Variants in ATP12A observed in about 807,000 individuals in gnomAD.
ATP12A encodes ATPase H+/K+ transporting non-gastric alpha2 subunit, also known as potassium-transporting ATPase alpha chain 2.
A neutral mutation model predicts 111.2 loss-of-function variants in ATP12A; 81 were observed. That is an observed-to-expected ratio of 0.73 (90% CI 0.61 to 0.88). The LOEUF (loss-of-function observed/expected upper bound fraction) is 0.88. ATP12A is among the 40% of genes least tolerant of loss of function. ATP12A has a pLI of 0.00. For synonymous variants in ATP12A, 498 were observed against 499.8 expected (o/e 1.00, Z 0.05); for missense variants, 1,196 against 1,313.1 (o/e 0.91, Z 1.38).
chr13:24,683,023 C>T (rs1273926912), intron 2 of ATP12A, among the ~76,000 whole-genome samples: 1 of 148,148 alleles, frequency 6.8e-6, no homozygotes, highest in African/African-American at 2.5e-5. Context: ...ATGGCGCTAT[C>T]TAGGCTCACT....
chr13:24,703,909 A>T (rs1875504146), intron 14 of ATP12A, among the ~76,000 whole-genome samples: 1 of 121,836 alleles, frequency 8.2e-6, no homozygotes, highest in Non-Finnish European at 1.8e-5. Flanking sequence ...GCAGTGGTGA[A>T]ATCTCATTGC....
chr13:24,692,272 C>T (rs948186394), intron 8 of ATP12A, among the ~76,000 whole-genome samples, 157 bp from the exon 9 acceptor site: 2 of 152,192 alleles, frequency 1.3e-5, no homozygotes, highest in African/African-American at 4.8e-5. Flanking sequence ...TATAAGCCAC[C>T]AGGTCAGCTT....
Position 24,690,477 on chromosome 13 carries a change from GCGGCAAGGGGTA to G in ATP12A, c.681+6_681+17del. ...CTGTCTTCTCAGGGGTGTCGGGTAA[GCGGCAAGGGGTA>G]TCCACCCCAAGGACCATGTTCCAAA... is the stretch of plus-strand genomic sequence containing the variant. On this transcript the variant is annotated splice_donor_region_variant and intron_variant, in intron 6 of 22. Transcript: ENST00000381946. 1.9e-6 allele frequency: 3 copies of G among 1,613,700 alleles called. No homozygotes were observed. Among genetic ancestry groups the G allele is most frequent in the Non-Finnish European group, 2.5e-6 (3 of 1,179,856 alleles).
In ATP12A at chr13:24,692,448, C is replaced by A. The variant is rs1215287379; in HGVS notation, c.1088C>A (p.Ala363Glu). ...ATVTVTLSLT[A>E]KRMAKKNCLV... ...TGCTAGGTGACCCTGTCGCTGACAG[C>A]AAAACGGATGGCCAAGAAGAACTGC... Residue 363 changes from alanine (A) to glutamate (E), a missense_variant, in exon 9 of 23, where the codon GCA becomes GAA. Physicochemically the swap from Ala to Glu is moderately radical, Grantham distance 107. Around this residue, in one of 3 missense-constraint regions of ATP12A, gnomAD observed 1,126 missense variants for 1,228.5 expected, o/e 0.92. Coordinates refer to ENST00000381946, the MANE Select transcript of ATP12A (RefSeq NM_001676.7). 6.2e-7 allele frequency: 1 copy of A among 1,613,824 alleles called. No individual in the cohort carries two copies. Among genetic ancestry groups the A allele is most frequent in the African/African-American group, 1.3e-5 (1 of 74,930 alleles).
chr13:24,709,503 G>A lies in ATP12A; in HGVS notation c.2617+16G>A, dbSNP rs375994569. On this transcript the variant is annotated intron_variant, in intron 18 of 22. Transcript: ENST00000381946. ...CTGCACATTGGTACGATGAGGGCGC[G>A]TCTTCCCCATCACACGAGGGCCTGC... 17 of 1,611,080 alleles carry A rather than the reference G, an allele frequency of 1.1e-5. No individual in the cohort carries two copies. The African/African-American group carries it at 1.2e-4, about 11-fold the overall frequency.
intron 2 of ATP12A, among the ~76,000 whole-genome samples, chr13:24,683,105 C>T (rs566302982): frequency 2.0e-5 from 3 of 152,090 alleles, no homozygotes; most frequent in South Asian, 2.1e-4. Context: ...TACAGGCGCC[C>T]GCCATCACAC....
At chr13:24,689,148 A>G (rs578234356) in intron 4 of ATP12A, 114 bp from the exon 5 acceptor site, 3 of 816,488 alleles carry the variant, frequency 3.7e-6, no homozygotes, top group African/African-American at 3.4e-5. Flanking sequence ...TGGCCTGTAA[A>G]TTATACCAGG....
intron 19 of ATP12A, 57 bp downstream of exon 19, chr13:24,709,885 C>T: frequency 6.2e-7 from 1 of 1,600,634 alleles, no homozygotes; most frequent in Non-Finnish European, 8.5e-7. Context: ...GCTCATTGCC[C>T]TGCGCAGAAT....
At chr13:24,701,840 C>T (rs2289904) in intron 13 of ATP12A, 95 bp from the exon 14 acceptor site, 30,760 of 1,517,908 alleles carry the variant, frequency 0.02, 560 homozygotes, top group African/African-American at 0.083. Flanking sequence ...CCACGTTCTC[C>T]CAGGGCACTA....
chr13:24,707,320 T>C lies in ATP12A; in HGVS notation c.2380T>C (p.Ser794Pro). The C allele has an allele frequency of 6.2e-7, 1 of 1,614,234 alleles. No individual in the cohort carries two copies. The highest frequency in any genetic ancestry group is 8.5e-7 in the Non-Finnish European group (1 of 1,180,048). The change falls in exon 17 of 23, where the codon TCC (serine) becomes CCC (proline). Residue 794 changes from serine to proline, a missense_variant. Ser to Pro is a moderately conservative substitution (Grantham distance 74, BLOSUM62 -1). Around this residue, in one of 3 missense-constraint regions of ATP12A, gnomAD observed 1,126 missense variants for 1,228.5 expected, o/e 0.92. Transcript: ENST00000381946. ...FDNLKKTIAY[S>P]LTKNIAELCP... ...CAACCTCAAGAAGACTATTGCTTATTCCCTGACCAAGAACATTGCCGAGCT... is the reference window on the plus strand; with the variant it reads ...CAACCTCAAGAAGACTATTGCTTATCCCCTGACCAAGAACATTGCCGAGCT...
At chr13:24,686,851 G>A (rs1000534004) in intron 3 of ATP12A, among the ~76,000 whole-genome samples, 4 of 152,222 alleles carry the variant, frequency 2.6e-5, no homozygotes, top group East Asian at 1.9e-4. Flanking sequence ...CCCTCATCTC[G>A]CTAGTCATGT....
Position 24,690,321 on chromosome 13 carries a change from A to G in ATP12A, c.547-17A>G, listed in dbSNP as rs775661841. ...CCTTCCAGGGTCTGAGGCATCTGTC[A>G]TGGTTTTTTTCTGCAGCAAGCTCTC... On this transcript the variant is annotated splice_polypyrimidine_tract_variant and intron_variant, in intron 5 of 22. Coordinates refer to ENST00000381946, the MANE Select transcript of ATP12A (RefSeq NM_001676.7). 2.5e-6 allele frequency: 4 copies of G among 1,612,828 alleles called. No individual in the cohort carries two copies. In the South Asian group the frequency reaches 4.4e-5, roughly 18 times the overall value.
At chr13:24,684,303 A>C (rs1874590550) in intron 2 of ATP12A, among the ~76,000 whole-genome samples, 1 of 152,232 alleles carries the variant, frequency 6.6e-6, no homozygotes, top group Admixed American at 6.5e-5. Flanking sequence ...GGCTAGAAGC[A>C]AGATAATAAT....
chr13:24,686,440 C>CAAAAAAAA (rs60902451), intron 3 of ATP12A, among the ~76,000 whole-genome samples: 1 of 93,828 alleles, frequency 1.1e-5, no homozygotes, highest in Non-Finnish European at 2.2e-5. Context: ...AACTCCATCT[C>CAAAAAAAA]AAAAAAAAAA....
rs938118126 is a variant in ATP12A, at chr13:24,692,819, G to T, written c.1300G>T (p.Ala434Ser). 3.7e-6 allele frequency: 6 copies of T among 1,614,070 alleles called. No homozygotes were observed. The highest frequency in any genetic ancestry group is 1.6e-4 in the Middle Eastern group (1 of 6,084). Residue 434 changes from alanine to serine, a missense_variant, in exon 10 of 23, where the codon GCC (alanine) becomes TCC (serine). This residue lies in a region of ATP12A where 1,126 missense variants were observed against 1,228.5 expected (regional missense o/e 0.92). Coordinates refer to ENST00000381946, the MANE Select transcript of ATP12A (RefSeq NM_001676.7). ...CTTTGACCAAAGCTCTAGGACTTGG[G>T]CCTCCTTATCCAAGATAATAACATT... ...QVFDQSSRTW[A>S]SLSKIITLCN...
In ATP12A at chr13:24,691,010, G is replaced by T. The variant is rs576313642; in HGVS notation, c.828G>T (p.Thr276=). 1 of 1,614,170 alleles carries T rather than the reference G, an allele frequency of 6.2e-7. No individual in the cohort carries two copies. The highest frequency in any genetic ancestry group is 2.2e-5 in the East Asian group (1 of 44,872). ...CTGTCACCGGCATGGTTATCAACAC[G>T]GGTGACCGCACCATCATTGGCCATA... The part of the protein sequence containing the change: ...EGTVTGMVIN[T]GDRTIIGHIA... The change falls in exon 8 of 23, where the codon ACG becomes ACT. Residue 276 remains threonine, a synonymous_variant. Coordinates refer to ENST00000381946, the MANE Select transcript of ATP12A (RefSeq NM_001676.7).
chr13:24,682,359 A>G (rs61948071), intron 2 of ATP12A, among the ~76,000 whole-genome samples: 12,373 of 88,554 alleles, frequency 0.14, 1,159 homozygotes, highest in Middle Eastern at 0.22. Flanking sequence ...TGTGTGGTGT[A>G]TATGTGTGGT....
intron 10 of ATP12A, among the ~76,000 whole-genome samples, chr13:24,693,474 T>C (rs896898558): frequency 1.3e-5 from 2 of 152,202 alleles, no homozygotes; most frequent in Non-Finnish European, 2.9e-5. Flanking sequence ...TGTTTGTTTG[T>C]TTGCTTTTCT....
intron 11 of ATP12A, among the ~76,000 whole-genome samples, chr13:24,697,605 A>G (rs1200859436): frequency 6.7e-6 from 1 of 148,448 alleles, no homozygotes; most frequent in Non-Finnish European, 1.5e-5. Flanking sequence ...GTGCCACTGC[A>G]CTCCAGCCTG....
Sources: allele counts gnomAD v4.1 joint callset (sites outside exome capture counted in the v4.1 genomes callset), GRCh38; gene constraint gnomAD v4.1.1; regional missense constraint gnomAD v4.1.1; transcripts MANE v1.5; gene names NCBI Gene and HGNC (gene_info 2026-07-23, HGNC 2026-07-21).